Variants in RNGTT observed in about 807,000 individuals in gnomAD.
RNGTT encodes the protein RNA guanylyltransferase and 5'-phosphatase.
In RNGTT, 33 loss-of-function variants were observed where a neutral mutation model predicts 79.3. The ratio of observed to expected loss-of-function variants is 0.42; its 90% CI spans 0.32 to 0.56. The LOEUF is 0.56. Ranked by LOEUF, RNGTT falls within the 20% of genes least tolerant of loss-of-function variation. The probability of loss-of-function intolerance (pLI) is 0.17; values close to 1 mark genes in which losing one functional copy is unlikely to be tolerated. For synonymous variants in RNGTT, 222 were observed against 235.9 expected (o/e 0.94, Z 0.54); for missense variants, 497 against 739.1 (o/e 0.67, Z 3.80).
At chr6:88,716,591 G>T (rs1163109837) in intron 13 of RNGTT, among the ~76,000 whole-genome samples, 3 of 152,174 alleles carry the variant, frequency 2.0e-5, no homozygotes, top group African/African-American at 7.2e-5. Context: ...TGATAGACTG[G>T]ATTAAGAAAA....
intron 11 of RNGTT, among the ~76,000 whole-genome samples, chr6:88,804,792 T>C (rs1779903631): frequency 6.6e-6 from 1 of 152,178 alleles, no homozygotes; most frequent in Admixed American, 6.5e-5. Flanking sequence ...AGCCAACTTT[T>C]AAGTCATTTA....
intron 13 of RNGTT, among the ~76,000 whole-genome samples, chr6:88,717,671 A>G (rs984996776): frequency 3.9e-5 from 6 of 152,134 alleles, no homozygotes; most frequent in East Asian, 1.9e-4. Flanking sequence ...AAAAACGCCA[A>G]TGGAGGAGAC....
chr6:88,905,013 C>CA, intron 5 of RNGTT, 58 bp from the exon 6 acceptor site: 1 of 1,568,506 alleles, frequency 6.4e-7, no homozygotes, highest in Non-Finnish European at 8.6e-7. Context: ...GCAGGCTTAT[C>CA]AAAAACTCAC....
At position 88,863,330 on chromosome 6, in the gene RNGTT, A is replaced by G. The variant is rs147437592; in HGVS notation, c.897-9566T>C. On this transcript the variant is annotated intron_variant, in intron 8 of 15. Coordinates refer to ENST00000369485, the MANE Select transcript of RNGTT (RefSeq NM_003800.5). ...CTTTAGTTTATATGTGGCTTCTACC[A>G]CAAATTTTTTACTATGTCCTGTTTA... is the stretch of plus-strand genomic sequence containing the variant. Among the ~76,000 whole-genome samples, 489 of 152,308 alleles carry G rather than the reference A, an allele frequency of 3.2e-3. 4 individuals carry two copies. The highest frequency in any genetic ancestry group is 0.011 in the African/African-American group (467 of 41,584).
At chr6:88,739,757 ATATATATAT>A (rs1178430881) in intron 13 of RNGTT, among the ~76,000 whole-genome samples, 1 of 65,050 alleles carries the variant, frequency 1.5e-5, no homozygotes, top group African/African-American at 4.4e-5. Flanking sequence ...ATATATATAT[ATATATATAT>A]ATATATATAT....
At chr6:88,957,417 G>T (rs1785471956) in intron 1 of RNGTT, among the ~76,000 whole-genome samples, 1 of 152,180 alleles carries the variant, frequency 6.6e-6, no homozygotes, top group South Asian at 2.1e-4. Context: ...TTGGTAAAGA[G>T]GAAGTCACAC....
chr6:88,832,530 A>T (rs1780906642), intron 11 of RNGTT, among the ~76,000 whole-genome samples: 1 of 152,226 alleles, frequency 6.6e-6, no homozygotes, highest in South Asian at 2.1e-4. Context: ...ATAGGCAAAG[A>T]CTTCATGACT....
intron 14 of RNGTT, among the ~76,000 whole-genome samples, chr6:88,676,763 G>A (rs1582315742): frequency 6.6e-6 from 1 of 152,280 alleles, no homozygotes; most frequent in South Asian, 2.1e-4. Flanking sequence ...AACAAGATTT[G>A]AAGAAATACT....
chr6:88,776,865 A>G (rs1213199070), intron 12 of RNGTT, among the ~76,000 whole-genome samples: 1 of 151,998 alleles, frequency 6.6e-6, no homozygotes, highest in Non-Finnish European at 1.5e-5. Flanking sequence ...ATGTAGTCCC[A>G]GTTGTGTATT....
intron 13 of RNGTT, among the ~76,000 whole-genome samples, chr6:88,729,434 T>C (rs1777034704): frequency 6.6e-6 from 1 of 150,454 alleles, no homozygotes; most frequent in Non-Finnish European, 1.5e-5. Flanking sequence ...AAGCCCCTTA[T>C]GGGTCTTTTG....
rs776242106 is a variant in RNGTT, at chr6:88,904,760, C to T, written c.639G>A (p.Gly213=). 1.2e-6 allele frequency: 2 copies of T among 1,613,916 alleles called. No individual in the cohort carries two copies. The highest frequency in any genetic ancestry group is 1.7e-6 in the Non-Finnish European group (2 of 1,180,018). Residue 213 remains glycine (G), a synonymous_variant, in exon 6 of 16, where the codon GGG becomes GGA. Transcript: ENST00000369485. ...TCCTTTTGCCAAAAGAAGCACTTGA[C>T]CCGGGTTCTGATTCCTTCTTTCCAT... ...DEDGKKESEP[G]SSASFGKRRK...
intron 2 of RNGTT, among the ~76,000 whole-genome samples, chr6:88,938,282 T>G (rs921078963): frequency 1.3e-5 from 2 of 152,230 alleles, no homozygotes; most frequent in Admixed American, 1.3e-4. Flanking sequence ...CATTATATAA[T>G]GACCTTCTTG....
intron 13 of RNGTT, among the ~76,000 whole-genome samples, chr6:88,756,915 T>G (rs1004725841): frequency 6.6e-6 from 1 of 152,198 alleles, no homozygotes; most frequent in Non-Finnish European, 1.5e-5. Flanking sequence ...TATTAGCTTT[T>G]TATGACTCTT....
chr6:88,646,384 C>A (rs1174024103), intron 14 of RNGTT, among the ~76,000 whole-genome samples: 1 of 152,216 alleles, frequency 6.6e-6, no homozygotes, highest in Non-Finnish European at 1.5e-5. Context: ...AACATTTTTA[C>A]ACTGTTGGTG....
chr6:88,772,462 T>A (rs1398475447), intron 12 of RNGTT, among the ~76,000 whole-genome samples: 1 of 151,182 alleles, frequency 6.6e-6, no homozygotes, highest in African/African-American at 2.4e-5. Context: ...ACCTAAAGAG[T>A]CAAACAAATG....
intron 14 of RNGTT, among the ~76,000 whole-genome samples, chr6:88,645,439 T>C (rs1432704382): frequency 6.6e-6 from 1 of 152,196 alleles, no homozygotes. Flanking sequence ...CAAAGTAATT[T>C]ATAGATTCAA....
chr6:88,700,471 C>T lies in RNGTT; in HGVS notation c.1440-22052G>A, dbSNP rs576410513. Among the ~76,000 whole-genome samples the T allele has an allele frequency of 2.0e-5, 3 of 152,226 alleles. No homozygotes were observed. The East Asian group carries it at 5.8e-4, about 29-fold the overall frequency. On this transcript the variant is annotated intron_variant, in intron 13 of 15. Coordinates refer to ENST00000369485, the MANE Select transcript of RNGTT (RefSeq NM_003800.5). ...TAGATACCGTCCCACCTGCGACATT[C>T]TTTTTTCTTTCTTTTCTCAAGGATC...
At chr6:88,635,027 A>C (rs1315621106) in intron 14 of RNGTT, among the ~76,000 whole-genome samples, 1 of 152,020 alleles carries the variant, frequency 6.6e-6, no homozygotes, top group African/African-American at 2.4e-5. Context: ...ATAATTGTGG[A>C]TGGAGAATTG....
intron 13 of RNGTT, among the ~76,000 whole-genome samples, chr6:88,744,319 T>C (rs1582408615): frequency 6.6e-6 from 1 of 152,260 alleles, no homozygotes; most frequent in East Asian, 1.9e-4. Context: ...TGGAGTGCAG[T>C]GGCTTGATCT....
Sources: allele counts gnomAD v4.1 joint callset (sites outside exome capture counted in the v4.1 genomes callset), GRCh38; gene constraint gnomAD v4.1.1; transcripts MANE v1.5; gene names NCBI Gene and HGNC (gene_info 2026-07-23, HGNC 2026-07-21).